CD79B: variants seen among roughly 807,000 people sequenced by gnomAD.
The protein encoded by CD79B is CD79b molecule.
CD79B carries 7 observed loss-of-function variants against 30.0 expected under a neutral mutation model. The ratio of observed to expected loss-of-function variants is 0.23; its 90% CI spans 0.13 to 0.44. CD79B has a LOEUF of 0.44. Among genes scored for constraint, CD79B ranks in the 20% least tolerant of loss-of-function variants. The pLI is 1.00. For missense variants in CD79B, 218 were observed against 299.1 expected (o/e 0.73, Z 2.00); for synonymous variants, 118 against 119.2 (o/e 0.99, Z 0.07).
chr17:63,931,437 G>C (rs2144760571), intron 1 of CD79B, 52 bp from the exon 2 acceptor site: 1 of 1,577,528 alleles, frequency 6.3e-7, no homozygotes, highest in Non-Finnish European at 8.7e-7. Context: ...CTCTGGCCTG[G>C]GCTGCCCCAC....
intron 2 of CD79B, 126 bp downstream of exon 2, chr17:63,931,209 G>C (rs1391589374): frequency 2.2e-6 from 2 of 919,820 alleles, no homozygotes; most frequent in East Asian, 2.4e-5. Flanking sequence ...CTGGGGATGG[G>C]AATCCTGGAT....
chr17:63,929,618 A>C, intron 4 of CD79B, 143 bp from the exon 5 acceptor site: 1 of 1,014,036 alleles, frequency 9.9e-7, no homozygotes, highest in Non-Finnish European at 1.5e-6. Context: ...TGAAGGAAGG[A>C]AGGAAGGAAT....
At chr17:63,930,652 T>C in intron 2 of CD79B, 1 of 561,424 alleles carries the variant, frequency 1.8e-6, no homozygotes, top group Non-Finnish European at 3.2e-6. Flanking sequence ...GGAAGAGCCC[T>C]GGGACCTTGC....
At chr17:63,932,134 G>A (rs1049800603) in intron 1 of CD79B, 61 bp downstream of exon 1, 16 of 1,447,434 alleles carry the variant, frequency 1.1e-5, no homozygotes, top group Middle Eastern at 1.7e-4. Context: ...AGGCAGAGCC[G>A]CAGGGCCCAG....
intron 2 of CD79B, 198 bp downstream of exon 2, chr17:63,931,137 C>T (rs1908096017): frequency 1.5e-6 from 1 of 652,706 alleles, no homozygotes; most frequent in East Asian, 2.8e-5. Context: ...GGCTGGAGGG[C>T]ATGTGTCTGA....
At chr17:63,929,719 T>G in intron 4 of CD79B, 51 bp downstream of exon 4, 1 of 1,324,044 alleles carries the variant, frequency 7.6e-7, no homozygotes, top group Non-Finnish European at 1.1e-6. Context: ...GCCTGGCCTA[T>G]GCGGTGGCCT....
In CD79B at chr17:63,930,172, C is replaced by T. The variant is rs762138094; in HGVS notation, c.332G>A (p.Gly111Asp). Reference sequence around the variant, plus strand: ...GATGCCATTGTCCTCAAACCGGATGCCTTGGATGGTGAGGGTGGCGAGAGA... The same window carrying T: ...GATGCCATTGTCCTCAAACCGGATGTCTTGGATGGTGAGGGTGGCGAGAGA... Reference protein sequence around the residue: ...NESLATLTIQGIRFEDNGIYF... With the variant: ...NESLATLTIQDIRFEDNGIYF... The change falls in exon 3 of 6, where the codon GGC (glycine) becomes GAC (aspartate). Residue 111 changes from glycine (G) to aspartate (D), a missense_variant. Physicochemically the swap from Gly to Asp is moderately conservative, Grantham distance 94 (BLOSUM62 -1). Coordinates refer to ENST00000006750, the MANE Select transcript of CD79B (RefSeq NM_000626.4). 6.2e-7 allele frequency: 1 copy of T among 1,614,186 alleles called. No individual in the cohort carries two copies. The highest frequency in any genetic ancestry group is 1.7e-5 in the Admixed American group (1 of 60,026).
chr17:63,929,576 G>A (rs1452807267), intron 4 of CD79B, 101 bp from the exon 5 acceptor site: 3 of 1,247,774 alleles, frequency 2.4e-6, no homozygotes, highest in Non-Finnish European at 3.5e-6. Context: ...TGAGGGGTCA[G>A]GAGTGAGGTG....
chr17:63,930,380 C>G lies in CD79B; in HGVS notation c.124G>C (p.Ala42Pro). 1 of 1,613,528 alleles carries G rather than the reference C, an allele frequency of 6.2e-7. No homozygotes were observed. Among genetic ancestry groups the G allele is most frequent in the Non-Finnish European group, 8.5e-7 (1 of 1,179,924 alleles). Residue 42 changes from alanine to proline, a missense_variant, in exon 3 of 6, where the codon GCT (alanine) becomes CCT (proline). By Grantham distance (27) the Ala-to-Pro change is conservative. Transcript: ENST00000006750. ...GGGCTCTGCCAGATCCGCGAACAAG[C>G]ACTACCTGTGGGTGCCAAGGCCAGG... ...EDRYRNPKGS[A>P]CSRIWQSPRF...
At chr17:63,932,121 A>C (rs543529078) in intron 1 of CD79B, 74 bp downstream of exon 1, 3 of 1,298,534 alleles carry the variant, frequency 2.3e-6, no homozygotes, top group Non-Finnish European at 3.3e-6. Flanking sequence ...TGGAGCAAGC[A>C]GGAGGCAGAG....
Position 63,929,127 on chromosome 17 carries a change from T to TTCAGA in CD79B, c.*98_*99insTCTGA, listed in dbSNP as rs1555598714. On this transcript the variant is annotated 3_prime_UTR_variant, in exon 6 of 6. Coordinates refer to ENST00000006750, the MANE Select transcript of CD79B (RefSeq NM_000626.4). ...TGGTGGGCCAGCTTCAGAGGCCAGC[T>TTCAGA]GGGGGGTCCAGGAAAGGGGTTGGGC... is the stretch of plus-strand genomic sequence containing the variant. 2.4e-6 allele frequency: 2 copies of TTCAGA among 834,316 alleles called. No individual in the cohort carries two copies. The highest frequency in any genetic ancestry group is 4.1e-6 in the Non-Finnish European group (2 of 483,538). 51.7% of individuals were successfully genotyped at this position (834,316 alleles called of 1,614,324 possible). A position where few individuals can be genotyped will look rare whatever the true frequency, so the allele number is the denominator to read the frequency against.
rs138365376 is a variant in CD79B, at chr17:63,931,459, C to T, written c.68-74G>A. ...CTGGGCTGCCCCACCCCTGCATGCC[C>T]TCTATGTTCCCGGAGCTACTTCCTC... On this transcript the variant is annotated intron_variant, in intron 1 of 5. Coordinates refer to ENST00000006750, the MANE Select transcript of CD79B (RefSeq NM_000626.4). 1.5e-3 allele frequency: 2,108 copies of T among 1,421,570 alleles called. 19 individuals are homozygous for T. In the African/African-American group the frequency reaches 0.024, roughly 16 times the overall value. 88.1% of individuals were successfully genotyped at this position (1,421,570 alleles called of 1,614,324 possible). A position where few individuals can be genotyped will look rare whatever the true frequency, so the allele number is the denominator to read the frequency against.
Position 63,931,315 on chromosome 17 carries a change from C to T in CD79B, c.118+20G>A, listed in dbSNP as rs746409585. The T allele has an allele frequency of 6.8e-6, 11 of 1,613,092 alleles. No homozygotes were observed. The highest frequency in any genetic ancestry group is 4.5e-5 in the East Asian group (2 of 44,892). On this transcript the variant is annotated intron_variant, in intron 2 of 5. Transcript: ENST00000006750. ...GTCGCACACAACTTGCCCTCAGAAG[C>T]GGCAGGCGAGGCTACTGACCTTTGG...
intron 2 of CD79B, chr17:63,930,933 C>G: frequency 3.2e-6 from 1 of 316,838 alleles, no homozygotes; most frequent in South Asian, 3.2e-5. Context: ...AACCCTCTTT[C>G]CAGCTTCGAC....
At position 63,929,283 on chromosome 17, in the gene CD79B, C is replaced by T; in HGVS notation, c.633G>A (p.Val211=). The T allele has an allele frequency of 6.2e-7, 1 of 1,614,102 alleles. No individual in the cohort carries two copies. Among genetic ancestry groups the T allele is most frequent in the Non-Finnish European group, 8.5e-7 (1 of 1,179,986 alleles). The stretch of plus-strand genomic sequence containing the variant: ...ACTTCACTTCCCCTGTCCGCAGCGT[C>T]ACTATGTCCTCATAGGTGGCTGTCT... ...IDQTATYEDI[V]TLRTGEVKWS... is the part of the protein sequence containing the mutation. The change falls in exon 6 of 6, where the codon GTG becomes GTA. Residue 211 remains valine (V), a synonymous_variant. Transcript: ENST00000006750.
At position 63,929,125 on chromosome 17, in the gene CD79B, G is replaced by C. The variant is rs752862269; in HGVS notation, c.*101C>G. 2.8e-5 allele frequency: 23 copies of C among 828,170 alleles called. No homozygotes were observed. The highest frequency in any genetic ancestry group is 4.6e-5 in the Non-Finnish European group (22 of 479,664). 51.3% of individuals were successfully genotyped at this position (828,170 alleles called of 1,614,324 possible). A position where few individuals can be genotyped will look rare whatever the true frequency, so the allele number is the denominator to read the frequency against. On this transcript the variant is annotated 3_prime_UTR_variant, in exon 6 of 6. Coordinates refer to ENST00000006750, the MANE Select transcript of CD79B (RefSeq NM_000626.4). ...TCTGGTGGGCCAGCTTCAGAGGCCA[G>C]CTGGGGGGTCCAGGAAAGGGGTTGG...
Position 63,932,201 on chromosome 17 carries a change from G to T in CD79B, c.61C>A (p.Leu21Ile). Reference protein sequence around the residue: ...SHWMVALLLLLSAEPVPAARS... With the variant: ...SHWMVALLLLISAEPVPAARS... Reference sequence around the variant, plus strand: ...CTCGTCGTGGGTTCTGTACCTGAGAGCAGCAGCAGCAACGCCACCATCCAG... The same window carrying T: ...CTCGTCGTGGGTTCTGTACCTGAGATCAGCAGCAGCAACGCCACCATCCAG... The change falls in exon 1 of 6, where the codon CTC (leucine) becomes ATC (isoleucine). Residue 21 changes from leucine (L) to isoleucine (I), a missense_variant. Transcript: ENST00000006750. 1 of 1,612,252 alleles carries T rather than the reference G, an allele frequency of 6.2e-7. No homozygotes were observed. Among genetic ancestry groups the T allele is most frequent in the East Asian group, 2.2e-5 (1 of 44,886 alleles).
At chr17:63,931,758 T>TA in intron 1 of CD79B, 1 of 303,302 alleles carries the variant, frequency 3.3e-6, no homozygotes, top group South Asian at 3.7e-5. Flanking sequence ...TTTTTTTTTT[T>TA]AAAGAGAGAC....
chr17:63,931,052 C>T (rs796911882), intron 2 of CD79B: 15 of 488,094 alleles, frequency 3.1e-5, no homozygotes, highest in African/African-American at 2.3e-4. Flanking sequence ...TAGACAGGCC[C>T]GGGCCTGAGT....
Sources: gnomAD v4.1 joint callset for allele counts on GRCh38, gnomAD v4.1.1 for gene constraint, MANE v1.5 for transcripts, NCBI Gene and HGNC (gene_info 2026-07-23, HGNC 2026-07-21) for gene names.